ATP6V1E2: variants seen among roughly 807,000 people sequenced by gnomAD.
ATP6V1E2 encodes V-type proton ATPase subunit E 2.
For synonymous variants in ATP6V1E2, 121 were observed against 104.2 expected (o/e 1.16, Z -0.98); for missense variants, 308 against 273.3 (o/e 1.13, Z -0.90).
intron 4 of ATP6V1E2, among the ~76,000 whole-genome samples, chr2:46,524,704 A>G (rs555779907): frequency 8.5e-5 from 13 of 152,358 alleles, no homozygotes; most frequent in Admixed American, 6.5e-4. Context: ...ATGGACCGTC[A>G]TCATAAGCAG....
chr2:46,522,652 T>G (rs144569603), intron 4 of ATP6V1E2, among the ~76,000 whole-genome samples: 122 of 152,330 alleles, frequency 8.0e-4, no homozygotes, highest in African/African-American at 2.9e-3. Flanking sequence ...TGATGGGCAT[T>G]TGGGTTGGTT....
At chr2:46,516,740 TAA>T (rs36060544) in intron 4 of ATP6V1E2, among the ~76,000 whole-genome samples, 14 of 150,700 alleles carry the variant, frequency 9.3e-5, no homozygotes, top group African/African-American at 2.7e-4. Context: ...AACTCTATAT[TAA>T]AAAAAAAAAC....
chr2:46,527,218 T>TTTTA (rs1193918277), intron 4 of ATP6V1E2, among the ~76,000 whole-genome samples: 2 of 151,880 alleles, frequency 1.3e-5, no homozygotes, highest in South Asian at 2.1e-4. Context: ...CGTGTCTAAT[T>TTTTA]TTTATTTATT....
intron 4 of ATP6V1E2, among the ~76,000 whole-genome samples, chr2:46,517,407 C>T (rs904402196): frequency 6.6e-6 from 1 of 152,144 alleles, no homozygotes; most frequent in Non-Finnish European, 1.5e-5. Flanking sequence ...GGAAAAGCTT[C>T]ATAACACTGG....
At chr2:46,525,662 T>G (rs2103884881) in intron 4 of ATP6V1E2, among the ~76,000 whole-genome samples, 1 of 152,108 alleles carries the variant, frequency 6.6e-6, no homozygotes, top group African/African-American at 2.4e-5. Flanking sequence ...CACATAGAGT[T>G]TTATTCCAAG....
At chr2:46,522,669 CTT>C (rs1294052600) in intron 4 of ATP6V1E2, among the ~76,000 whole-genome samples, 1 of 152,124 alleles carries the variant, frequency 6.6e-6, no homozygotes, top group Non-Finnish European at 1.5e-5. Flanking sequence ...GGTTCCAAGT[CTT>C]TGCTTTATAA....
At chr2:46,517,134 G>C (rs1276419658) in intron 4 of ATP6V1E2, among the ~76,000 whole-genome samples, 1 of 152,152 alleles carries the variant, frequency 6.6e-6, no homozygotes, top group African/African-American at 2.4e-5. Context: ...CATAAAGCTA[G>C]ATATATAGAC....
chr2:46,528,268 A>C lies in ATP6V1E2; in HGVS notation c.-102+7545T>G, dbSNP rs527429012. ...AAATATTTGAGAAACACTGCACTAC[A>C]AGTTAAATAAATTCACCCTTCTTAG... On this transcript the variant is annotated intron_variant, in intron 4 of 4. Transcript: ENST00000522587. 1.3e-4 allele frequency among the ~76,000 whole-genome samples: 20 copies of C among 152,376 alleles called. No individual in the cohort carries two copies. In the East Asian group the frequency reaches 2.3e-3, roughly 18 times the overall value.
Position 46,525,478 on chromosome 2 carries a change from A to AAAAAAAAAAC in ATP6V1E2, c.-102+10334_-102+10335insGTTTTTTTTT, listed in dbSNP as rs1207834896. On this transcript the variant is annotated intron_variant, in intron 4 of 4. Coordinates refer to ENST00000522587, the MANE Select transcript of ATP6V1E2 (RefSeq NM_001318063.2). The stretch of plus-strand genomic sequence containing the variant: ...CTCCGTCTCAAAAAAAAAAAAAAAG[A>AAAAAAAAAAC]AAAAAAAAAAAGAAAGCAGGGACAG... Among the ~76,000 whole-genome samples the AAAAAAAAAAC allele has an allele frequency of 5.9e-5, 4 of 68,062 alleles. No individual in the cohort carries two copies. In the South Asian group the frequency reaches 1.9e-3, roughly 32 times the overall value. 44.7% of individuals were successfully genotyped at this position (68,062 alleles called of 152,430 possible). A position where few individuals can be genotyped will look rare whatever the true frequency, so the allele number is the denominator to read the frequency against.
chr2:46,525,676 TC>T (rs1160922543), intron 4 of ATP6V1E2, among the ~76,000 whole-genome samples: 1 of 152,092 alleles, frequency 6.6e-6, no homozygotes, highest in East Asian at 1.9e-4. Context: ...TTCCAAGAAC[TC>T]CACTCACACT....
At chr2:46,517,569 C>G (rs114270846) in intron 4 of ATP6V1E2, among the ~76,000 whole-genome samples, 213 of 152,274 alleles carry the variant, frequency 1.4e-3, no homozygotes, top group African/African-American at 4.9e-3. Context: ...GGAAAAATAT[C>G]TGCAAACCGT....
intron 4 of ATP6V1E2, among the ~76,000 whole-genome samples, chr2:46,527,495 A>G (rs1282207800): frequency 6.6e-6 from 1 of 152,180 alleles, no homozygotes; most frequent in East Asian, 1.9e-4. Flanking sequence ...TGCTGGGATT[A>G]CAGGCGGGAG....
At chr2:46,518,213 G>C (rs1340116878) in intron 4 of ATP6V1E2, among the ~76,000 whole-genome samples, 1 of 152,116 alleles carries the variant, frequency 6.6e-6, no homozygotes, top group African/African-American at 2.4e-5. Flanking sequence ...GATGGACTTT[G>C]AGGACATAAT....
chr2:46,520,195 G>C (rs1361206962), intron 4 of ATP6V1E2, among the ~76,000 whole-genome samples: 2 of 152,212 alleles, frequency 1.3e-5, no homozygotes, highest in African/African-American at 4.8e-5. Context: ...GCAGGGCAGG[G>C]CAGGGTTAAA....
intron 4 of ATP6V1E2, among the ~76,000 whole-genome samples, chr2:46,517,289 G>T (rs1317208954): frequency 6.6e-6 from 1 of 152,102 alleles, no homozygotes; most frequent in East Asian, 1.9e-4. Flanking sequence ...ACATGCAAAA[G>T]AATGAAATTG....
At chr2:46,536,944 G>A (rs1455118903) in intron 2 of ATP6V1E2, among the ~76,000 whole-genome samples, 2 of 152,028 alleles carry the variant, frequency 1.3e-5, no homozygotes, top group East Asian at 3.9e-4. Context: ...CACCACGCCT[G>A]GCTAATTTTT....
chr2:46,520,364 A>G (rs1666552693), intron 4 of ATP6V1E2, among the ~76,000 whole-genome samples: 1 of 152,232 alleles, frequency 6.6e-6, no homozygotes, highest in African/African-American at 2.4e-5. Context: ...TGAAACGCAC[A>G]TGCCTGTCCT....
At chr2:46,540,551 G>A (rs2103956563) in intron 2 of ATP6V1E2, among the ~76,000 whole-genome samples, 1 of 149,642 alleles carries the variant, frequency 6.7e-6, no homozygotes, top group Non-Finnish European at 1.5e-5. Flanking sequence ...CAGCCTATGG[G>A]ACGCTCAGAA....
chr2:46,528,222 T>C (rs1357714365), intron 4 of ATP6V1E2, among the ~76,000 whole-genome samples: 3 of 152,262 alleles, frequency 2.0e-5, no homozygotes, highest in South Asian at 2.1e-4. Flanking sequence ...AATGTATTTG[T>C]TAACTGCAAT....
Sources: gnomAD v4.1 joint callset for allele counts (sites outside exome capture counted in the v4.1 genomes callset) on GRCh38, gnomAD v4.1.1 for gene constraint, MANE v1.5 for transcripts, NCBI Gene and HGNC (gene_info 2026-07-23, HGNC 2026-07-21) for gene names.